The following SGCD variants were observed in gnomAD, a reference collection of about 807,000 sequenced individuals.
SGCD encodes the protein delta-sarcoglycan.
In SGCD, 18 loss-of-function variants were observed where a neutral mutation model predicts 36.6. That is an observed-to-expected ratio of 0.49 (90% CI 0.34 to 0.73). SGCD has a LOEUF of 0.73. Ranked by LOEUF, SGCD falls within the 30% of genes least tolerant of loss-of-function variation. SGCD has a pLI of 0.01. For missense variants in SGCD, 387 were observed against 346.7 expected (o/e 1.12, Z -0.92); for synonymous variants, 133 against 130.6 (o/e 1.02, Z -0.12).
At chr5:156,326,058 A>C (rs1767802601), upstream of SGCD, among the ~76,000 whole-genome samples, 1 of 152,184 alleles carries the variant, frequency 6.6e-6, no homozygotes, top group Non-Finnish European at 1.5e-5. Context: ...AATACCAAAA[A>C]CAGAAAAAAG....
the SGCD span, among the ~76,000 whole-genome samples, chr5:155,746,197 A>T: frequency 6.6e-6 from 1 of 152,204 alleles, no homozygotes; most frequent in African/African-American, 2.4e-5. Flanking sequence ...GAACATTAGG[A>T]TCAAAATATT....
chr5:156,222,493 GT>G (rs1764741019), intron 3 of SGCD, among the ~76,000 whole-genome samples: 1 of 152,040 alleles, frequency 6.6e-6, no homozygotes, highest in Non-Finnish European at 1.5e-5. Context: ...ATTATACTGT[GT>G]TTAGTGAGGT....
intron 7 of SGCD, among the ~76,000 whole-genome samples, chr5:156,681,398 C>T (rs1448207312): frequency 6.6e-6 from 1 of 152,200 alleles, no homozygotes; most frequent in African/African-American, 2.4e-5. Context: ...TGCTCAGTTG[C>T]TTGTATCCTC....
Position 156,419,966 on chromosome 5 carries a change from G to C in SGCD, c.192+75289G>C, listed in dbSNP as rs535784852. 1.1e-4 allele frequency among the ~76,000 whole-genome samples: 16 copies of C among 152,184 alleles called. 1 individual carries two copies. The highest frequency in any genetic ancestry group is 3.1e-4 in the African/African-American group (13 of 41,550). ...CAGGGTAACTGTATACCAGTGGATGGAAGAGCCTAGGAAGACTCTTGTGAC... is the reference window on the plus strand; with the variant it reads ...CAGGGTAACTGTATACCAGTGGATGCAAGAGCCTAGGAAGACTCTTGTGAC... On this transcript the variant is annotated intron_variant, in intron 3 of 8. Coordinates refer to ENST00000337851, the MANE Select transcript of SGCD (RefSeq NM_000337.6).
intron 2 of SGCD, among the ~76,000 whole-genome samples, chr5:156,343,774 G>A (rs1385635354): frequency 6.6e-6 from 1 of 152,082 alleles, no homozygotes; most frequent in African/African-American, 2.4e-5. Context: ...TAGCCTACGA[G>A]CTAATGTTCA....
intron 4 of SGCD, among the ~76,000 whole-genome samples, chr5:156,546,012 A>G (rs1442225325): frequency 6.6e-6 from 1 of 152,172 alleles, no homozygotes; most frequent in African/African-American, 2.4e-5. Context: ...TTCTAAAACT[A>G]TCAAGAATAA....
the SGCD span, among the ~76,000 whole-genome samples, chr5:155,798,719 A>T: frequency 2.0e-5 from 3 of 152,200 alleles, no homozygotes; most frequent in Non-Finnish European, 4.4e-5. Flanking sequence ...AGTGTCAAAG[A>T]TGCTTTTGAA....
chr5:156,218,145 G>A (rs1463639818), intron 3 of SGCD, among the ~76,000 whole-genome samples: 2 of 152,088 alleles, frequency 1.3e-5, no homozygotes, highest in African/African-American at 2.4e-5. Flanking sequence ...ATGGTGGCAT[G>A]AGCATGTAAT....
At chr5:156,252,499 TA>T (rs1219808961) in intron 3 of SGCD, among the ~76,000 whole-genome samples, 2 of 152,242 alleles carry the variant, frequency 1.3e-5, no homozygotes, top group Non-Finnish European at 1.5e-5. Context: ...AAAGGAAATA[TA>T]ATTATAGGTT....
chr5:155,891,199 A>G (rs1756121391), intron 1 of SGCD, among the ~76,000 whole-genome samples: 1 of 152,224 alleles, frequency 6.6e-6, no homozygotes, highest in Non-Finnish European at 1.5e-5. Context: ...TCTGGGCCCT[A>G]CTGCACTGGA....
intron 3 of SGCD, among the ~76,000 whole-genome samples, chr5:156,129,599 A>G (rs1433321918): frequency 1.3e-5 from 2 of 152,182 alleles, no homozygotes; most frequent in South Asian, 2.1e-4. Flanking sequence ...TATTAAGCCT[A>G]GTACCCTATA....
chr5:156,421,089 T>G (rs1031460845), intron 3 of SGCD, among the ~76,000 whole-genome samples: 10 of 152,060 alleles, frequency 6.6e-5, no homozygotes, highest in African/African-American at 2.2e-4. Flanking sequence ...AATAAATACA[T>G]AAATAATTAA....
In SGCD at chr5:156,759,861, C is replaced by G. The variant is rs1037450730; in HGVS notation, c.*471C>G. ...CTCAGTCGCACTCAAGCTCTGAGACCTTTGTATCAAAAATAGGCATTTGAT... is the reference window on the plus strand; with the variant it reads ...CTCAGTCGCACTCAAGCTCTGAGACGTTTGTATCAAAAATAGGCATTTGAT... On this transcript the variant is annotated 3_prime_UTR_variant, in exon 9 of 9. Coordinates refer to ENST00000337851, the MANE Select transcript of SGCD (RefSeq NM_000337.6). 6.6e-6 allele frequency: 1 copy of G among 152,082 alleles called. No homozygotes were observed. The highest frequency in any genetic ancestry group is 1.5e-5 in the Non-Finnish European group (1 of 68,022). The allele number at this position is 152,082 out of a possible 1,614,324, so 9.4% of individuals were successfully genotyped here. A position where few individuals can be genotyped will look rare whatever the true frequency, so the allele number is the denominator to read the frequency against.
At chr5:156,240,593 A>T (rs1269512834) in intron 3 of SGCD, among the ~76,000 whole-genome samples, 1 of 152,216 alleles carries the variant, frequency 6.6e-6, no homozygotes, top group African/African-American at 2.4e-5. Context: ...CTCATCTGTG[A>T]TGAGATAAGA....
In SGCD at chr5:156,759,220, A is replaced by AAGTT; in HGVS notation, c.706_709dup (p.Asp237ValfsTer10). 2.5e-6 allele frequency: 4 copies of AAGTT among 1,613,026 alleles called. No homozygotes were observed. Among genetic ancestry groups the AAGTT allele is most frequent in the Non-Finnish European group, 3.4e-6 (4 of 1,179,098 alleles). ...CCTTCCTATTCTCTGTCTTTAGATT[A>AAGTT]AGTTAGATGCTGCGAAAATCAGGCT... On this transcript the variant is annotated frameshift_variant, in exon 9 of 9. Transcript: ENST00000337851. LOFTEE classifies it high-confidence loss of function.
chr5:156,638,965 C>A (rs1346739984), intron 6 of SGCD, among the ~76,000 whole-genome samples: 1 of 151,932 alleles, frequency 6.6e-6, no homozygotes, highest in Non-Finnish European at 1.5e-5. Flanking sequence ...CCATTGTTAA[C>A]CTTCAAATTA....
At chr5:156,568,959 T>G (rs180866579) in intron 4 of SGCD, among the ~76,000 whole-genome samples, 2 of 152,288 alleles carry the variant, frequency 1.3e-5, no homozygotes, top group East Asian at 3.9e-4. Flanking sequence ...TATTACAGAA[T>G]TCATGGCCAT....
intron 3 of SGCD, among the ~76,000 whole-genome samples, chr5:156,471,759 A>G (rs577072379): frequency 8.5e-5 from 13 of 152,198 alleles, no homozygotes; most frequent in Non-Finnish European, 1.6e-4. Flanking sequence ...TAGGACATAA[A>G]AAAGCACTAA....
upstream of SGCD, among the ~76,000 whole-genome samples, chr5:156,322,317 T>C (rs572781516): frequency 6.6e-6 from 1 of 152,206 alleles, no homozygotes; most frequent in East Asian, 1.9e-4. Flanking sequence ...TTGGGTTATA[T>C]GCATGTTCCT....
Sources: allele counts gnomAD v4.1 joint callset (sites outside exome capture counted in the v4.1 genomes callset), GRCh38; gene constraint gnomAD v4.1.1; transcripts MANE v1.5; gene names NCBI Gene and HGNC (gene_info 2026-07-23, HGNC 2026-07-21).